The following S1PR2 variants were observed in gnomAD, a reference collection of about 807,000 sequenced individuals.
The protein encoded by S1PR2 is sphingosine 1-phosphate receptor 2.
A neutral mutation model predicts 16.1 loss-of-function variants in S1PR2; 9 were observed. That is an observed-to-expected ratio of 0.56 (90% CI 0.34 to 0.98). The LOEUF (loss-of-function observed/expected upper bound fraction) is 0.98. Among genes scored for constraint, S1PR2 ranks in the 50% least tolerant of loss-of-function variants. S1PR2 has a pLI of 0.02. For missense variants in S1PR2, 361 were observed against 488.4 expected (o/e 0.74, Z 2.46); for synonymous variants, 224 against 233.9 (o/e 0.96, Z 0.38).
At chr19:10,230,999 G>T (rs566353132) in intron 1 of S1PR2, among the ~76,000 whole-genome samples, 1 of 152,334 alleles carries the variant, frequency 6.6e-6, no homozygotes, top group African/African-American at 2.4e-5. Context: ...AAGGCGGGGA[G>T]CACAGTCTGC....
chr19:10,226,578 G>A (rs1476180736), intron 1 of S1PR2, among the ~76,000 whole-genome samples: 2 of 152,140 alleles, frequency 1.3e-5, no homozygotes, highest in African/African-American at 4.8e-5. Flanking sequence ...AGGGATGTAA[G>A]CCAACCAGAC....
In S1PR2 at chr19:10,224,662, C is replaced by T; in HGVS notation, c.244G>A (p.Ala82Thr). The change falls in exon 2 of 2, where the codon GCA becomes ACA. Residue 82 changes from alanine (A) to threonine (T), a missense_variant. By Grantham distance (58) the Ala-to-Thr change is moderately conservative (BLOSUM62 0). Transcript: ENST00000646641. ...GTATTGGCTACGAAGGCCACGCCTG[C>T]CAGTAGATCGGAGGCGGCCAGGTTG... ...LGNLAASDLL[A>T]GVAFVANTLL... is the part of the protein sequence containing the mutation. 2 of 1,614,138 alleles carry T rather than the reference C, an allele frequency of 1.2e-6. No homozygotes were observed. The highest frequency in any genetic ancestry group is 1.7e-6 in the Non-Finnish European group (2 of 1,180,048).
At chr19:10,230,837 T>C (rs905231332) in intron 1 of S1PR2, among the ~76,000 whole-genome samples, 1 of 152,132 alleles carries the variant, frequency 6.6e-6, no homozygotes, top group African/African-American at 2.4e-5. Context: ...TTGCCCTCGC[T>C]CAGCCGGAGT....
At chr19:10,228,169 G>A (rs1347398605) in intron 1 of S1PR2, among the ~76,000 whole-genome samples, 2 of 150,966 alleles carry the variant, frequency 1.3e-5, no homozygotes, top group Non-Finnish European at 2.9e-5. Flanking sequence ...AAAATTAGCC[G>A]GGCATGGTGG....
chr19:10,230,527 G>T (rs913003811), intron 1 of S1PR2: 1 of 154,524 alleles, frequency 6.5e-6, no homozygotes, highest in African/African-American at 2.4e-5. Flanking sequence ...AAATCCCCGG[G>T]TGAGTCAACC....
In S1PR2 at chr19:10,228,820, G is replaced by T. The variant is rs570771621; in HGVS notation, c.-43+2384C>A. On this transcript the variant is annotated intron_variant, in intron 1 of 1. Coordinates refer to ENST00000646641, the MANE Select transcript of S1PR2 (RefSeq NM_004230.4). Reference sequence around the variant, plus strand: ...TGGAACAGGAGGGACAAGTGATGGGGTTTGGAAGGAAGGGAAGAGAGATAG... The same window carrying T: ...TGGAACAGGAGGGACAAGTGATGGGTTTTGGAAGGAAGGGAAGAGAGATAG... 5.4e-4 allele frequency among the ~76,000 whole-genome samples: 82 copies of T among 152,318 alleles called. 1 individual carries two copies. The highest frequency in any genetic ancestry group is 1.9e-3 in the African/African-American group (80 of 41,570).
chr19:10,223,115 T>G lies in S1PR2; in HGVS notation c.*729A>C, dbSNP rs1323712943. On this transcript the variant is annotated 3_prime_UTR_variant, in exon 2 of 2. Coordinates refer to ENST00000646641, the MANE Select transcript of S1PR2 (RefSeq NM_004230.4). ...CTGGGAGGTGGAGGTTGCAGTGAGCTGAGACCGTACCACTGCACTCTCCAG... is the reference window on the plus strand; with the variant it reads ...CTGGGAGGTGGAGGTTGCAGTGAGCGGAGACCGTACCACTGCACTCTCCAG... The G allele has an allele frequency of 7.3e-6, 1 of 137,752 alleles. No individual in the cohort carries two copies. The highest frequency in any genetic ancestry group is 1.5e-5 in the Non-Finnish European group (1 of 66,686). 8.5% of individuals were successfully genotyped at this position (137,752 alleles called of 1,614,324 possible).
intron 1 of S1PR2, among the ~76,000 whole-genome samples, chr19:10,226,755 C>T (rs1213197129): frequency 6.6e-6 from 1 of 152,068 alleles, no homozygotes; most frequent in Non-Finnish European, 1.5e-5. Flanking sequence ...CAGTCACATC[C>T]GGTGTGAGGA....
At position 10,224,525 on chromosome 19, in the gene S1PR2, G is replaced by GGCGATGGCCAGGAGGCTGAA. The variant is rs2039617653; in HGVS notation, c.361_380dup (p.Ile128SerfsTer75). 6.2e-7 allele frequency: 1 copy of GGCGATGGCCAGGAGGCTGAA among 1,613,742 alleles called. No individual in the cohort carries two copies. The highest frequency in any genetic ancestry group is 8.5e-7 in the Non-Finnish European group (1 of 1,180,062). On this transcript the variant is annotated frameshift_variant, in exon 2 of 2. Coordinates refer to ENST00000646641, the MANE Select transcript of S1PR2 (RefSeq NM_004230.4). LOFTEE classifies it high-confidence loss of function. ...TGGCAATGGCCACGTGGCGCTCAAT[G>GGCGATGGCCAGGAGGCTGAA]GCGATGGCCAGGAGGCTGAAGACAG...
intron 1 of S1PR2, among the ~76,000 whole-genome samples, chr19:10,230,687 C>G (rs2039669642): frequency 6.6e-6 from 1 of 152,338 alleles, no homozygotes; most frequent in South Asian, 2.1e-4. Context: ...TCTTTCCTTA[C>G]AAAACAAAGC....
chr19:10,230,584 C>T (rs1414836711), intron 1 of S1PR2: 1 of 153,778 alleles, frequency 6.5e-6, no homozygotes, highest in Admixed American at 6.5e-5. Flanking sequence ...CGGCTCGGGG[C>T]CACGCGAGGT....
At chr19:10,231,000 C>T (rs536491421) in intron 1 of S1PR2, among the ~76,000 whole-genome samples, 2 of 152,356 alleles carry the variant, frequency 1.3e-5, no homozygotes, top group Admixed American at 6.5e-5. Context: ...AGGCGGGGAG[C>T]ACAGTCTGCG....
At chr19:10,227,233 C>T (rs769660904) in intron 1 of S1PR2, among the ~76,000 whole-genome samples, 3 of 152,082 alleles carry the variant, frequency 2.0e-5, no homozygotes, top group Non-Finnish European at 2.9e-5. Context: ...CCTAGAAACA[C>T]GTCTGGCAAG....
rs745916504 is a variant in S1PR2 at position 10,224,171 on chromosome 19, G to A, written c.735C>T (p.Cys245=). 6.2e-7 allele frequency: 1 copy of A among 1,608,722 alleles called. No individual in the cohort carries two copies. Among genetic ancestry groups the A allele is most frequent in the South Asian group, 1.1e-5 (1 of 91,086 alleles). The change falls in exon 2 of 2, where the codon TGC becomes TGT. Residue 245 remains cysteine (C), a synonymous_variant. Coordinates refer to ENST00000646641, the MANE Select transcript of S1PR2 (RefSeq NM_004230.4). ...VTIVLGVFIV[C]WLPAFSILLL... is the part of the protein sequence containing the mutation. ...GGAGGATGCTGAAGGCGGGCAGCCA[G>A]CAGACGATAAAGACGCCTAGCACGA... is the stretch of plus-strand genomic sequence containing the variant.
intron 1 of S1PR2, chr19:10,230,608 G>GCCTT (rs1181510775): frequency 1.3e-5 from 2 of 153,112 alleles, no homozygotes; most frequent in African/African-American, 4.8e-5. Context: ...CGCCACGCGC[G>GCCTT]CCTTCACCCA....
rs1361460475 is a variant in S1PR2 at position 10,223,642 on chromosome 19, C to T, written c.*202G>A. Reference sequence around the variant, plus strand: ...GGGGTCACACTAGCCACTGGACTGGCCCTCAGGACCGCACTGCAACACTGC... The same window carrying T: ...GGGGTCACACTAGCCACTGGACTGGTCCTCAGGACCGCACTGCAACACTGC... On this transcript the variant is annotated 3_prime_UTR_variant, in exon 2 of 2. Coordinates refer to ENST00000646641, the MANE Select transcript of S1PR2 (RefSeq NM_004230.4). The T allele has an allele frequency of 2.0e-5, 11 of 555,008 alleles. No individual in the cohort carries two copies. Among genetic ancestry groups the T allele is most frequent in the Admixed American group, 6.4e-5 (2 of 31,404 alleles). 34.4% of individuals were successfully genotyped at this position (555,008 alleles called of 1,614,324 possible). A position where few individuals can be genotyped will look rare whatever the true frequency, so the allele number is the denominator to read the frequency against.
intron 1 of S1PR2, among the ~76,000 whole-genome samples, chr19:10,225,834 C>T (rs981989089): frequency 6.6e-6 from 1 of 151,910 alleles, no homozygotes; most frequent in Non-Finnish European, 1.5e-5. Flanking sequence ...GACATCTTGC[C>T]TCTTTTAATT....
intron 1 of S1PR2, among the ~76,000 whole-genome samples, chr19:10,230,069 A>T (rs2145446194): frequency 6.6e-6 from 1 of 152,360 alleles, no homozygotes; most frequent in South Asian, 2.1e-4. Flanking sequence ...AGACCCAAAC[A>T]GCAACAAAGG....
chr19:10,224,028 C>A lies in S1PR2; in HGVS notation c.878G>T (p.Arg293Leu). ...LNPVIYTWRS[R>L]DLRREVLRPL... is the part of the protein sequence containing the mutation. The stretch of plus-strand genomic sequence containing the variant: ...CCGAAGCACCTCCCGCCGCAGGTCC[C>A]GGCTGCGCCACGTGTAGATGACGGG... The change falls in exon 2 of 2, where the codon CGG (arginine) becomes CTG (leucine). Residue 293 changes from arginine (R) to leucine (L), a missense_variant. Transcript: ENST00000646641. The A allele has an allele frequency of 1.2e-6, 2 of 1,612,552 alleles. No individual in the cohort carries two copies. The highest frequency in any genetic ancestry group is 1.7e-6 in the Non-Finnish European group (2 of 1,179,812).
Sources: allele counts gnomAD v4.1 joint callset (sites outside exome capture counted in the v4.1 genomes callset), GRCh38; gene constraint gnomAD v4.1.1; transcripts MANE v1.5; gene names NCBI Gene and HGNC (gene_info 2026-07-23, HGNC 2026-07-21).